Variants in DMD observed in about 807,000 individuals in gnomAD.
The protein encoded by DMD is mutant dystrophin.
In DMD, 63 loss-of-function variants were observed where a neutral mutation model predicts 330.1. That is an observed-to-expected ratio of 0.19 (90% confidence interval 0.16 to 0.24). The LOEUF (loss-of-function observed/expected upper bound fraction) is 0.24. Ranked by LOEUF, DMD falls within the 10% of genes least tolerant of loss-of-function variation. The pLI, the probability that DMD is intolerant of heterozygous loss-of-function variation, is 1.00. For missense variants in DMD, 3,344 were observed against 2,684.1 expected (o/e 1.25, Z -5.43); for synonymous variants, 1,223 against 959.8 (o/e 1.27, Z -5.07).
chrX:32,179,340 A>C (rs1163680081), intron 44 of DMD, among the ~76,000 whole-genome samples: 2 of 111,677 alleles, frequency 1.8e-5, no homozygotes, highest in African/African-American at 6.5e-5. Flanking sequence ...GAGTTCTGAT[A>C]ATGAGTGTGT....
chrX:33,041,279 C>A, intron 1 of DMD: 1 of 714,192 alleles, frequency 1.4e-6, no homozygotes, highest in South Asian at 2.4e-5. Flanking sequence ...CTTAAGTGGC[C>A]GCGCAGCCTG....
At chrX:32,076,605 T>C (rs1036834545) in intron 44 of DMD, among the ~76,000 whole-genome samples, 1 of 110,955 alleles carries the variant, frequency 9.0e-6, no homozygotes, top group African/African-American at 3.3e-5. Flanking sequence ...GGTCTCGATC[T>C]CTTGACCATG....
intron 64 of DMD, 64 bp downstream of exon 64, chrX:31,222,983 A>G (rs906075970): frequency 9.2e-5 from 94 of 1,025,384 alleles, no homozygotes; most frequent in Non-Finnish European, 1.3e-4. Flanking sequence ...AAATGTACCC[A>G]ACCTACTTTT....
chrX:31,819,833 C>A, intron 50 of DMD, 142 bp downstream of exon 50: 1 of 525,210 alleles, frequency 1.9e-6, no homozygotes, highest in Non-Finnish European at 3.3e-6. Context: ...TACTCTAAGA[C>A]TTTTTGCACA....
chrX:31,230,504 C>T (rs1227386181), intron 63 of DMD, among the ~76,000 whole-genome samples: 1 of 110,381 alleles, frequency 9.1e-6, no homozygotes, highest in Non-Finnish European at 1.9e-5. Context: ...AAAAAATTAG[C>T]CAGGCATGGT....
At chrX:32,579,489 T>C (rs780338347) in intron 13 of DMD, among the ~76,000 whole-genome samples, 69 of 112,171 alleles carry the variant, frequency 6.2e-4, no homozygotes, top group Non-Finnish European at 1.1e-3. Flanking sequence ...TCGTTCATAA[T>C]GGTATTCATT....
At chrX:31,972,159 A>C (rs1287248710) in intron 44 of DMD, among the ~76,000 whole-genome samples, 5 of 111,657 alleles carry the variant, frequency 4.5e-5, no homozygotes, top group African/African-American at 9.8e-5. Flanking sequence ...AGAGTTGGGA[A>C]GCAGGAAGGA....
chrX:32,969,148 A>G (rs1345990996), intron 2 of DMD, among the ~76,000 whole-genome samples: 2 of 107,220 alleles, frequency 1.9e-5, no homozygotes, highest in Admixed American at 2.0e-4. Flanking sequence ...GACACCTAAC[A>G]TGCTGGTGAC....
intron 2 of DMD, among the ~76,000 whole-genome samples, chrX:32,986,634 T>A (rs970685280): frequency 8.9e-6 from 1 of 112,226 alleles, no homozygotes; most frequent in Non-Finnish European, 1.9e-5. Context: ...ATCCTCTAGG[T>A]GCTTTTTAAG....
Position 32,697,958 on chromosome X carries a change from G to A in DMD, c.872C>T (p.Ser291Phe), listed in dbSNP as rs2147582337. ...SLAQGYERTS[S>F]PKPRFKSYAY... Reference sequence around the variant, plus strand: ...ATAGCTCTTGAATCGAGGCTTAGGGGAAGAAGTTCTCTCATATCCCTGTGC... The same window carrying A: ...ATAGCTCTTGAATCGAGGCTTAGGGAAAGAAGTTCTCTCATATCCCTGTGC... Residue 291 changes from serine (S) to phenylalanine (F), a missense_variant, in exon 9 of 79, where the codon TCC (serine) becomes TTC (phenylalanine). Transcript: ENST00000357033. The A allele has an allele frequency of 5.0e-6, 6 of 1,204,343 alleles. No homozygotes were observed. The highest frequency in any genetic ancestry group is 6.7e-6 in the Non-Finnish European group (6 of 891,715).
chrX:31,933,661 T>C (rs961709605), intron 45 of DMD, among the ~76,000 whole-genome samples: 4 of 111,426 alleles, frequency 3.6e-5, no homozygotes, highest in Admixed American at 1.9e-4. Flanking sequence ...GAGAAGGAAA[T>C]AGAATATTAT....
chrX:31,777,387 C>T (rs2090738032), intron 50 of DMD, among the ~76,000 whole-genome samples: 1 of 110,969 alleles, frequency 9.0e-6, no homozygotes, highest in Non-Finnish European at 1.9e-5. Flanking sequence ...GGGAGAAAAG[C>T]AGGAAATAGC....
intron 44 of DMD, among the ~76,000 whole-genome samples, chrX:32,081,855 A>AAAT (rs748420139): frequency 0.025 from 2,794 of 110,002 alleles, 78 homozygotes; most frequent in African/African-American, 0.076. Context: ...ATTCTGTCTA[A>AAAT]AATAATAATA....
At chrX:31,547,086 T>C (rs1325786217) in intron 55 of DMD, among the ~76,000 whole-genome samples, 1 of 112,525 alleles carries the variant, frequency 8.9e-6, no homozygotes, top group Non-Finnish European at 1.9e-5. Context: ...ATCACGTAAC[T>C]GGAATTAATT....
At position 32,342,272 on chromosome X, in the gene DMD, C is replaced by T. The variant is rs760528813; in HGVS notation, c.5750G>A (p.Arg1917Gln). The T allele has an allele frequency of 5.8e-6, 7 of 1,211,183 alleles. No homozygotes were observed. Among genetic ancestry groups the T allele is most frequent in the Non-Finnish European group, 5.6e-6 (5 of 895,392 alleles). ...RDERKIKEIDRELQKKKEELN... is the reference protein window; with the variant it reads ...RDERKIKEIDQELQKKKEELN... Reference sequence around the variant, plus strand: ...CTCCTCTTTCTTCTTCTGCAATTCCCGATCAATTTCCTATTGAGCAAAACC... The same window carrying T: ...CTCCTCTTTCTTCTTCTGCAATTCCTGATCAATTTCCTATTGAGCAAAACC... The change falls in exon 41 of 79, where the codon CGG becomes CAG. Residue 1917 changes from arginine (R) to glutamine (Q), a missense_variant. Physicochemically the swap from Arg to Gln is conservative, Grantham distance 43. Transcript: ENST00000357033.
chrX:31,321,583 C>CAAAAAA (rs1190446358), intron 62 of DMD, among the ~76,000 whole-genome samples: 9 of 10,450 alleles, frequency 8.6e-4, no homozygotes, highest in African/African-American at 2.0e-3. Context: ...AACTCCATCT[C>CAAAAAA]AAAAAAAAAA....
At chrX:31,855,080 T>C (rs2093592742) in intron 48 of DMD, among the ~76,000 whole-genome samples, 1 of 112,431 alleles carries the variant, frequency 8.9e-6, no homozygotes, top group South Asian at 3.7e-4. Flanking sequence ...TGACATGATA[T>C]GAATGTCTTT....
intron 77 of DMD, among the ~76,000 whole-genome samples, chrX:31,128,344 G>A (rs759507875): frequency 9.0e-6 from 1 of 111,322 alleles, no homozygotes; most frequent in Non-Finnish European, 1.9e-5. Context: ...TGGCTGAAGT[G>A]AATTGGTAAA....
chrX:32,176,764 T>C lies in DMD; in HGVS notation c.6438+40152A>G, dbSNP rs1049321807. Among the ~76,000 whole-genome samples the C allele has an allele frequency of 4.5e-5, 5 of 110,847 alleles. No homozygotes were observed. In the East Asian group the frequency reaches 1.4e-3, roughly 32 times the overall value. Reference sequence around the variant, plus strand: ...AACGTGCTTAGAGGAAGACATACAGTTCATCACGGTCACCTTTCGTCCTGA... The same window carrying C: ...AACGTGCTTAGAGGAAGACATACAGCTCATCACGGTCACCTTTCGTCCTGA... On this transcript the variant is annotated intron_variant, in intron 44 of 78. Transcript: ENST00000357033.
Sources: allele counts gnomAD v4.1 joint callset (sites outside exome capture counted in the v4.1 genomes callset), GRCh38; gene constraint gnomAD v4.1.1; transcripts MANE v1.5; gene names NCBI Gene and HGNC (gene_info 2026-07-23, HGNC 2026-07-21).